Variants in CCDC85A observed in about 807,000 individuals in gnomAD.
CCDC85A encodes coiled-coil domain-containing protein 85A.
CCDC85A carries 38 observed loss-of-function variants against 50.2 expected under a neutral mutation model. The observed-to-expected ratio is 0.76, with a 90% CI of 0.58 to 0.99. CCDC85A has a LOEUF of 0.99. CCDC85A is among the 50% of genes least tolerant of loss of function. CCDC85A has a pLI of 0.00. For synonymous variants in CCDC85A, 366 were observed against 301.4 expected (o/e 1.21, Z -2.22); for missense variants, 820 against 742.0 (o/e 1.11, Z -1.22).
chr2:56,184,278 C>A lies in CCDC85A; in HGVS notation c.-347C>A. ...TCTCGGCTTAGGGCGGAGGAGAGGG[C>A]AGGGGAACGGCGGTGCAGCTCCCCC... On this transcript the variant is annotated 5_prime_UTR_variant, in exon 1 of 6. Coordinates refer to ENST00000407595, the MANE Select transcript of CCDC85A (RefSeq NM_001080433.2). 1 of 820,948 alleles carries A rather than the reference C, an allele frequency of 1.2e-6. No homozygotes were observed. Among genetic ancestry groups the A allele is most frequent in the Non-Finnish European group, 1.5e-6 (1 of 661,268 alleles). The allele number at this position is 820,948 out of a possible 1,614,324, so 50.9% of individuals were successfully genotyped here.
At chr2:56,278,312 A>T (rs1671053178) in intron 2 of CCDC85A, among the ~76,000 whole-genome samples, 1 of 152,254 alleles carries the variant, frequency 6.6e-6, no homozygotes, top group African/African-American at 2.4e-5. Context: ...CTGGGTACAT[A>T]ACATAAAATG....
intron 1 of CCDC85A, among the ~76,000 whole-genome samples, chr2:56,191,524 C>A (rs943525855): frequency 6.6e-5 from 10 of 152,172 alleles, no homozygotes; most frequent in African/African-American, 2.2e-4. Flanking sequence ...GGATTTCAAA[C>A]ATGGGAATGA....
chr2:56,187,495 A>C (rs1676102288), intron 1 of CCDC85A, among the ~76,000 whole-genome samples: 1 of 152,160 alleles, frequency 6.6e-6, no homozygotes, highest in Non-Finnish European at 1.5e-5. Context: ...GAGAAGTGGA[A>C]AGATAAAGAA....
At chr2:56,335,118 A>C (rs1339755922) in intron 2 of CCDC85A, among the ~76,000 whole-genome samples, 1 of 152,348 alleles carries the variant, frequency 6.6e-6, no homozygotes, top group East Asian at 1.9e-4. Flanking sequence ...TAAAATAAGA[A>C]AAGCGTCAAA....
intron 2 of CCDC85A, among the ~76,000 whole-genome samples, chr2:56,321,528 A>T (rs867672325): frequency 1.2e-4 from 18 of 152,272 alleles, no homozygotes; most frequent in Middle Eastern, 3.4e-3. Flanking sequence ...ATCATGAGGG[A>T]ACTCCCATTC....
chr2:56,287,848 A>G (rs1465438035), intron 2 of CCDC85A, among the ~76,000 whole-genome samples: 2 of 152,166 alleles, frequency 1.3e-5, no homozygotes, highest in African/African-American at 4.8e-5. Flanking sequence ...AATGTGGACT[A>G]CTTTTGGGAG....
At chr2:56,360,599 C>A (rs1266241754) in intron 3 of CCDC85A, among the ~76,000 whole-genome samples, 2 of 152,188 alleles carry the variant, frequency 1.3e-5, no homozygotes, top group Non-Finnish European at 2.9e-5. Flanking sequence ...AAAGTTTTGG[C>A]TGTACGTGTT....
intron 3 of CCDC85A, among the ~76,000 whole-genome samples, chr2:56,364,617 T>C (rs1675697115): frequency 6.6e-6 from 1 of 152,198 alleles, no homozygotes; most frequent in South Asian, 2.1e-4. Context: ...ATTTTAAAAA[T>C]CTGATGAAAG....
chr2:56,294,979 G>T (rs1034289990), intron 2 of CCDC85A, among the ~76,000 whole-genome samples: 1 of 152,180 alleles, frequency 6.6e-6, no homozygotes, highest in Non-Finnish European at 1.5e-5. Flanking sequence ...ATACATGATA[G>T]CATGAACTAA....
rs1673782672 is a variant in CCDC85A, at chr2:56,331,385, C to G, written c.1241-11494C>G. On this transcript the variant is annotated intron_variant, in intron 2 of 5. Transcript: ENST00000407595. ...AAGCTCCACGTTCTGCACATGTATC[C>G]CAGAATTAAAATAAAATTAAATTAA... 2.0e-5 allele frequency among the ~76,000 whole-genome samples: 3 copies of G among 152,074 alleles called. No homozygotes were observed. In the South Asian group the frequency reaches 6.2e-4, roughly 32 times the overall value.
Position 56,193,344 on chromosome 2 carries a change from G to A in CCDC85A, c.1144G>A (p.Gly382Arg), listed in dbSNP as rs1344662937. 1 of 1,612,092 alleles carries A rather than the reference G, an allele frequency of 6.2e-7. No individual in the cohort carries two copies. Among genetic ancestry groups the A allele is most frequent in the African/African-American group, 1.3e-5 (1 of 74,902 alleles). Residue 382 changes from glycine (G) to arginine (R), a missense_variant, in exon 2 of 6, where the codon GGA becomes AGA. Physicochemically the swap from Gly to Arg is moderately radical, Grantham distance 125 (BLOSUM62 -2). Coordinates refer to ENST00000407595, the MANE Select transcript of CCDC85A (RefSeq NM_001080433.2). ...ACACGGAGGAGGCAGTGGAGGAAGT[G>A]GAGGCAGCGGCGGAGGCAGCAGGGA... ...HKHGGGSGGS[G>R]GSGGGSREGT...
chr2:56,383,030 A>G (rs1273672347), intron 5 of CCDC85A, among the ~76,000 whole-genome samples: 1 of 151,992 alleles, frequency 6.6e-6, no homozygotes, highest in Non-Finnish European at 1.5e-5. Context: ...ATTGCTATAT[A>G]TTAATAATTC....
At chr2:56,347,322 C>G (rs928719756) in intron 3 of CCDC85A, among the ~76,000 whole-genome samples, 5 of 152,164 alleles carry the variant, frequency 3.3e-5, no homozygotes, top group African/African-American at 1.2e-4. Context: ...AGTGTTCTTT[C>G]TAGCATGTGC....
intron 2 of CCDC85A, among the ~76,000 whole-genome samples, chr2:56,314,931 G>T (rs534804730): frequency 1.6e-4 from 25 of 152,192 alleles, no homozygotes; most frequent in African/African-American, 5.8e-4. Context: ...GAAAGGGTGT[G>T]GATAGAGACT....
At chr2:56,308,367 C>A (rs1672538240) in intron 2 of CCDC85A, among the ~76,000 whole-genome samples, 1 of 152,114 alleles carries the variant, frequency 6.6e-6, no homozygotes, top group African/African-American at 2.4e-5. Context: ...AGGTCTGGAC[C>A]CATTCAGTGT....
chr2:56,316,707 T>C (rs866859898), intron 2 of CCDC85A, among the ~76,000 whole-genome samples: 1 of 152,110 alleles, frequency 6.6e-6, no homozygotes, highest in Non-Finnish European at 1.5e-5. Flanking sequence ...TGAAGTATAC[T>C]CTTAAGGATT....
At chr2:56,220,407 G>A (rs570950664) in intron 2 of CCDC85A, among the ~76,000 whole-genome samples, 1 of 152,056 alleles carries the variant, frequency 6.6e-6, no homozygotes, top group Non-Finnish European at 1.5e-5. Flanking sequence ...TAACATCAGA[G>A]AACAAGATGT....
intron 2 of CCDC85A, 104 bp from the exon 3 acceptor site, chr2:56,342,775 T>G: frequency 1.6e-6 from 1 of 641,576 alleles, no homozygotes; most frequent in Non-Finnish European, 2.7e-6. Context: ...AATAACAGAC[T>G]AAATAGTCAC....
chr2:56,215,979 A>G (rs928098229), intron 2 of CCDC85A, among the ~76,000 whole-genome samples: 1 of 151,940 alleles, frequency 6.6e-6, no homozygotes, highest in African/African-American at 2.4e-5. Context: ...AGCCATGTGC[A>G]TTGATTTATT....
Sources: allele counts gnomAD v4.1 joint callset (sites outside exome capture counted in the v4.1 genomes callset), GRCh38; gene constraint gnomAD v4.1.1; transcripts MANE v1.5; gene names NCBI Gene and HGNC (gene_info 2026-07-23, HGNC 2026-07-21).